MND1: variants seen among roughly 807,000 people sequenced by gnomAD.
MND1 encodes the protein meiotic nuclear division protein 1 homolog.
A neutral mutation model predicts 35.1 loss-of-function variants in MND1; 28 were observed. The observed-to-expected ratio is 0.80, with a 90% CI of 0.59 to 1.09. MND1 has a LOEUF of 1.09. Among genes scored for constraint, MND1 ranks in the 50% least tolerant of loss-of-function variants. The probability of loss-of-function intolerance (pLI) is 0.00; values close to 1 mark genes in which losing one functional copy is unlikely to be tolerated. For missense variants in MND1, 213 were observed against 239.6 expected (o/e 0.89, Z 0.73); for synonymous variants, 69 against 70.5 (o/e 0.98, Z 0.11).
chr4:153,360,205 A>G (rs1267781816), intron 4 of MND1, among the ~76,000 whole-genome samples: 1 of 152,194 alleles, frequency 6.6e-6, no homozygotes, highest in South Asian at 2.1e-4. Flanking sequence ...AGTTCTTTGT[A>G]TATTTTGGAC....
intron 6 of MND1, among the ~76,000 whole-genome samples, chr4:153,399,904 TTTTTTTTTTTTTTTG>T (rs1053270900): frequency 1.9e-5 from 2 of 103,238 alleles, no homozygotes; most frequent in African/African-American, 6.4e-5. Flanking sequence ...TTTTTTTTTT[TTTTTTTTTTTTTTTG>T]GAGACAGGGC....
chr4:153,346,240 C>G (rs915452606), intron 1 of MND1, among the ~76,000 whole-genome samples: 1 of 152,162 alleles, frequency 6.6e-6, no homozygotes, highest in Non-Finnish European at 1.5e-5. Flanking sequence ...GTGCTGAACT[C>G]TGAGAGCAGC....
chr4:153,383,562 TG>T (rs888066698), intron 4 of MND1, among the ~76,000 whole-genome samples: 2 of 152,192 alleles, frequency 1.3e-5, no homozygotes, highest in African/African-American at 2.4e-5. Flanking sequence ...AGGCCTTGGT[TG>T]GGATAAGGGA....
chr4:153,392,086 G>GT (rs1344312021), intron 4 of MND1, among the ~76,000 whole-genome samples: 4 of 149,972 alleles, frequency 2.7e-5, no homozygotes, highest in African/African-American at 7.4e-5. Context: ...GGTTTTTGTT[G>GT]TTTTTTTGTG....
chr4:153,366,859 G>C (rs1378533213), intron 4 of MND1, among the ~76,000 whole-genome samples: 3 of 152,164 alleles, frequency 2.0e-5, no homozygotes, highest in Admixed American at 2.0e-4. Context: ...TTGTTTTATA[G>C]ATGAAGAAAC....
chr4:153,405,804 A>G (rs528091331), intron 6 of MND1, among the ~76,000 whole-genome samples: 38 of 152,048 alleles, frequency 2.5e-4, no homozygotes, highest in African/African-American at 9.2e-4. Flanking sequence ...AAGAAAACAG[A>G]TTTATATTTC....
At chr4:153,365,123 C>T (rs1194938831) in intron 4 of MND1, among the ~76,000 whole-genome samples, 2 of 150,998 alleles carry the variant, frequency 1.3e-5, no homozygotes, top group African/African-American at 4.9e-5. Context: ...AAAAACTATC[C>T]AAGCTACCAG....
intron 4 of MND1, among the ~76,000 whole-genome samples, chr4:153,375,232 C>T (rs1183644788): frequency 2.0e-5 from 3 of 151,962 alleles, no homozygotes; most frequent in Non-Finnish European, 4.4e-5. Context: ...GAGGAAATTC[C>T]CAAGGGAAAA....
At chr4:153,388,261 G>C (rs549390598) in intron 4 of MND1, among the ~76,000 whole-genome samples, 2 of 152,156 alleles carry the variant, frequency 1.3e-5, no homozygotes, top group Admixed American at 1.3e-4. Flanking sequence ...AGGACAAGGC[G>C]GGAGGATCAC....
chr4:153,380,223 T>C (rs532832639), intron 4 of MND1, among the ~76,000 whole-genome samples: 109 of 152,344 alleles, frequency 7.2e-4, no homozygotes, highest in South Asian at 4.3e-3. Flanking sequence ...GATTATCTTA[T>C]GTAACAAATT....
At chr4:153,405,836 A>G (rs10030890) in intron 6 of MND1, among the ~76,000 whole-genome samples, 42,133 of 151,948 alleles carry the variant, frequency 0.28, 6,625 homozygotes, top group African/African-American at 0.43. Flanking sequence ...ACGGAGTCTC[A>G]CTCTGTCACC....
intron 4 of MND1, 79 bp from the exon 5 acceptor site, chr4:153,394,183 C>T (rs1384273563): frequency 7.5e-7 from 1 of 1,333,474 alleles, no homozygotes; most frequent in Admixed American, 1.9e-5. Flanking sequence ...AGCCACTGCA[C>T]CTGGTGGACT....
chr4:153,344,985 C>T (rs568700511), intron 1 of MND1, among the ~76,000 whole-genome samples: 1 of 152,230 alleles, frequency 6.6e-6, no homozygotes, highest in African/African-American at 2.4e-5. Flanking sequence ...CGCGGCCTCC[C>T]CGCCGGCTGC....
At chr4:153,398,551 A>G (rs1238285003) in intron 6 of MND1, among the ~76,000 whole-genome samples, 6 of 152,174 alleles carry the variant, frequency 3.9e-5, no homozygotes, top group African/African-American at 1.4e-4. Flanking sequence ...CCATTCACAT[A>G]TATGGAGTAC....
chr4:153,381,274 T>C (rs1360669396), intron 4 of MND1, among the ~76,000 whole-genome samples: 4 of 152,024 alleles, frequency 2.6e-5, no homozygotes, highest in Admixed American at 2.6e-4. Flanking sequence ...CAAACCTTCC[T>C]CCAGCAATGA....
At position 153,414,887 on chromosome 4, in the gene MND1, G is replaced by A. The variant is rs769684668; in HGVS notation, c.*30G>A. ...TTCCATGGTGGTGAAGGATGTACAA[G>A]CTTGTGAATATGTAAATTTTAAACT... On this transcript the variant is annotated 3_prime_UTR_variant, in exon 8 of 8. Transcript: ENST00000240488. The A allele has an allele frequency of 3.0e-6, 3 of 985,772 alleles. No homozygotes were observed. Among genetic ancestry groups the A allele is most frequent in the Non-Finnish European group, 4.5e-6 (3 of 669,982 alleles). 61.1% of individuals were successfully genotyped at this position (985,772 alleles called of 1,614,324 possible).
At chr4:153,372,151 C>T (rs571876783) in intron 4 of MND1, among the ~76,000 whole-genome samples, 1 of 151,988 alleles carries the variant, frequency 6.6e-6, no homozygotes, top group African/African-American at 2.4e-5. Flanking sequence ...ATCACCGTGA[C>T]AGATATAATA....
chr4:153,383,328 T>G (rs1195906990), intron 4 of MND1, among the ~76,000 whole-genome samples: 1 of 152,186 alleles, frequency 6.6e-6, no homozygotes. Context: ...AGAGGTGGAA[T>G]GTTGGGTAGC....
At chr4:153,393,111 A>G (rs1207140825) in intron 4 of MND1, among the ~76,000 whole-genome samples, 3 of 152,044 alleles carry the variant, frequency 2.0e-5, no homozygotes, top group African/African-American at 7.2e-5. Flanking sequence ...AGAGTGAGAC[A>G]CTGTCTCAAG....
Sources: allele counts gnomAD v4.1 joint callset (sites outside exome capture counted in the v4.1 genomes callset), GRCh38; gene constraint gnomAD v4.1.1; transcripts MANE v1.5; gene names NCBI Gene and HGNC (gene_info 2026-07-23, HGNC 2026-07-21).